The following PPP1R14D variants were observed in gnomAD, a reference collection of about 807,000 sequenced individuals.
The protein encoded by PPP1R14D is protein phosphatase 1 regulatory inhibitor subunit 14D.
Under a neutral mutation model 17.1 loss-of-function variants are expected in PPP1R14D, and 14 were observed. The ratio of observed to expected loss-of-function variants is 0.82; its 90% CI spans 0.54 to 1.28. PPP1R14D has a LOEUF of 1.28. PPP1R14D is among the 50% of genes most tolerant of loss of function. The probability of loss-of-function intolerance (pLI) is 0.00; values close to 1 mark genes in which losing one functional copy is unlikely to be tolerated. For missense variants in PPP1R14D, 173 were observed against 179.2 expected, an observed-to-expected ratio of 0.97 and a Z score of 0.20; for synonymous variants, 67 against 66.1, an observed-to-expected ratio of 1.01 and a Z score of -0.06.
chr15:40,821,347 C>G (rs1235097941), intron 1 of PPP1R14D, among the ~76,000 whole-genome samples: 1 of 151,320 alleles, frequency 6.6e-6, no homozygotes, highest in Non-Finnish European at 1.5e-5. Context: ...AACAAACAAA[C>G]AAACAAAACC....
At chr15:40,823,058 G>A (rs796625549) in intron 1 of PPP1R14D, among the ~76,000 whole-genome samples, 10 of 149,892 alleles carry the variant, frequency 6.7e-5, no homozygotes, top group African/African-American at 2.5e-4. Context: ...TCTGTCTCCT[G>A]GGTTCAAGCG....
rs1407875245 is a variant in PPP1R14D at position 40,816,271 on chromosome 15, G to A, written c.256-18C>T. On this transcript the variant is annotated intron_variant, in intron 1 of 3. Coordinates refer to ENST00000299174, the MANE Select transcript of PPP1R14D (RefSeq NM_017726.8). ...GCTTGATCCTATTTGGAAATCACAT[G>A]GGTCTCAGAGGGGCCTGACCAGCTG... 6.2e-7 allele frequency: 1 copy of A among 1,601,310 alleles called. No individual in the cohort carries two copies.
At chr15:40,827,749 C>T (rs1358268341) in intron 1 of PPP1R14D, among the ~76,000 whole-genome samples, 3 of 151,528 alleles carry the variant, frequency 2.0e-5, no homozygotes, top group Non-Finnish European at 4.4e-5. Context: ...GGTGAAAAGC[C>T]GTCTCTACAA....
At chr15:40,825,603 G>C (rs1013621395) in intron 1 of PPP1R14D, among the ~76,000 whole-genome samples, 27 of 152,214 alleles carry the variant, frequency 1.8e-4, no homozygotes, top group Admixed American at 3.9e-4. Context: ...CACTGCTGCT[G>C]TCTAAGGTGG....
At chr15:40,816,668 C>T (rs533218990) in intron 1 of PPP1R14D, among the ~76,000 whole-genome samples, 2 of 151,146 alleles carry the variant, frequency 1.3e-5, no homozygotes, top group South Asian at 2.1e-4. Context: ...TGCAGTGAGC[C>T]GAGATTGTGC....
chr15:40,824,850 C>T (rs1011381664), intron 1 of PPP1R14D, among the ~76,000 whole-genome samples: 1 of 152,064 alleles, frequency 6.6e-6, no homozygotes, highest in Non-Finnish European at 1.5e-5. Flanking sequence ...GACTGGTGAC[C>T]TTGGCCAGAG....
intron 1 of PPP1R14D, among the ~76,000 whole-genome samples, chr15:40,818,864 ATGT>A (rs1238147433): frequency 6.8e-6 from 1 of 147,088 alleles, no homozygotes; most frequent in East Asian, 2.0e-4. Context: ...TTGGTTGATA[ATGT>A]TGTCAGTGTA....
chr15:40,823,594 T>C (rs1388983010), intron 1 of PPP1R14D, among the ~76,000 whole-genome samples: 1 of 152,182 alleles, frequency 6.6e-6, no homozygotes, highest in African/African-American at 2.4e-5. Context: ...ACTATACCTT[T>C]TCTATGTTCA....
intron 1 of PPP1R14D, among the ~76,000 whole-genome samples, chr15:40,824,608 A>G (rs1305399583): frequency 6.6e-6 from 1 of 152,022 alleles, no homozygotes; most frequent in Non-Finnish European, 1.5e-5. Context: ...GACTCAGGCA[A>G]TTTGCCCCTC....
At position 40,828,367 on chromosome 15, in the gene PPP1R14D, C is replaced by A. The variant is rs1890908131; in HGVS notation, c.255+20G>T. 8 of 1,559,816 alleles carry A rather than the reference C, an allele frequency of 5.1e-6. No homozygotes were observed. The East Asian group carries it at 1.8e-4, about 35-fold the overall frequency. On this transcript the variant is annotated intron_variant, in intron 1 of 3. Transcript: ENST00000299174. Reference sequence around the variant, plus strand: ...GACCCCAGGCCCCCATCTCCTCCCACTATCCGCTGTGCTACCTACCTGGAA... The same window carrying A: ...GACCCCAGGCCCCCATCTCCTCCCAATATCCGCTGTGCTACCTACCTGGAA...
At chr15:40,816,617 G>A (rs1017531456) in intron 1 of PPP1R14D, among the ~76,000 whole-genome samples, 4 of 152,034 alleles carry the variant, frequency 2.6e-5, no homozygotes, top group Non-Finnish European at 5.9e-5. Context: ...GGAGGCTGAG[G>A]CAGGAGAATC....
intron 1 of PPP1R14D, among the ~76,000 whole-genome samples, chr15:40,827,464 C>T (rs547061508): frequency 2.7e-3 from 418 of 152,028 alleles, no homozygotes; most frequent in Middle Eastern, 0.014. Context: ...GCCAAAATCA[C>T]GGCATTGCAC....
At chr15:40,821,425 C>A (rs1046203643) in intron 1 of PPP1R14D, among the ~76,000 whole-genome samples, 1 of 150,684 alleles carries the variant, frequency 6.6e-6, no homozygotes, top group Non-Finnish European at 1.5e-5. Flanking sequence ...GAATTAACAG[C>A]ATGTTTAACA....
chr15:40,820,847 C>A (rs1198054219), intron 1 of PPP1R14D, among the ~76,000 whole-genome samples: 1 of 150,516 alleles, frequency 6.6e-6, no homozygotes, highest in African/African-American at 2.4e-5. Flanking sequence ...GGTGACAGAG[C>A]AAGACTCTGT....
chr15:40,817,251 A>G, intron 1 of PPP1R14D: 1 of 305,486 alleles, frequency 3.3e-6, no homozygotes, highest in South Asian at 2.3e-5. Flanking sequence ...CAGCTACTCC[A>G]GGAGCTGAGG....
intron 1 of PPP1R14D, among the ~76,000 whole-genome samples, chr15:40,818,288 C>CAAAA (rs764375543): frequency 2.2e-4 from 8 of 37,118 alleles, no homozygotes; most frequent in East Asian, 6.6e-4. Flanking sequence ...GACTCCATCT[C>CAAAA]AAAAAAAAAA....
intron 1 of PPP1R14D, among the ~76,000 whole-genome samples, chr15:40,818,312 AC>A (rs1890711471): frequency 2.7e-5 from 4 of 150,402 alleles, no homozygotes; most frequent in South Asian, 2.1e-4. Context: ...AAAAAAAAAA[AC>A]CACACATGCA....
At chr15:40,817,748 G>A in intron 1 of PPP1R14D, among the ~76,000 whole-genome samples, 1 of 151,526 alleles carries the variant, frequency 6.6e-6, no homozygotes, top group Non-Finnish European at 1.5e-5. Flanking sequence ...CCAAGTAGCT[G>A]GGACCACAGG....
intron 1 of PPP1R14D, among the ~76,000 whole-genome samples, chr15:40,823,795 C>T (rs1234414257): frequency 6.6e-6 from 1 of 151,964 alleles, no homozygotes; most frequent in Admixed American, 6.6e-5. Flanking sequence ...AACAATGTAG[C>T]ATTTCACAGA....
Sources: allele counts gnomAD v4.1 joint callset (sites outside exome capture counted in the v4.1 genomes callset), GRCh38; gene constraint gnomAD v4.1.1; transcripts MANE v1.5; gene names NCBI Gene and HGNC (gene_info 2026-07-23, HGNC 2026-07-21).